FBXO42: variants seen among roughly 807,000 people sequenced by gnomAD.
The protein encoded by FBXO42 is F-box only protein 42.
Under a neutral mutation model 71.7 loss-of-function variants are expected in FBXO42, and 12 were observed. That is an observed-to-expected ratio of 0.17 (90% CI 0.11 to 0.27). The LOEUF (loss-of-function observed/expected upper bound fraction) is 0.27. Ranked by LOEUF, FBXO42 falls within the 10% of genes least tolerant of loss-of-function variation. The pLI is 1.00. For synonymous variants in FBXO42, 325 were observed against 327.5 expected (o/e 0.99, Z 0.08); for missense variants, 707 against 911.9 (o/e 0.78, Z 2.89).
intron 1 of FBXO42, among the ~76,000 whole-genome samples, chr1:16,323,080 A>G (rs2100591872): frequency 6.6e-6 from 1 of 152,386 alleles, no homozygotes; most frequent in African/African-American, 2.4e-5. Flanking sequence ...GAAGCTGAAC[A>G]TTTAAAATGC....
At chr1:16,285,394 C>A (rs2082010821) in intron 4 of FBXO42, among the ~76,000 whole-genome samples, 2 of 151,990 alleles carry the variant, frequency 1.3e-5, no homozygotes, top group Admixed American at 6.6e-5. Flanking sequence ...CTGCCTCAGC[C>A]TCCTGAGTAG....
At chr1:16,302,815 C>T (rs980286485) in intron 3 of FBXO42, among the ~76,000 whole-genome samples, 2 of 152,254 alleles carry the variant, frequency 1.3e-5, no homozygotes, top group East Asian at 1.9e-4. Flanking sequence ...CAGCCGAAAC[C>T]GCCACTTTTA....
intron 1 of FBXO42, among the ~76,000 whole-genome samples, chr1:16,342,733 G>A (rs1039474678): frequency 2.6e-5 from 4 of 152,082 alleles, no homozygotes; most frequent in African/African-American, 9.7e-5. Flanking sequence ...GTGGAAATTT[G>A]ATCCCCAATG....
chr1:16,327,882 G>A (rs1184241508), intron 1 of FBXO42, among the ~76,000 whole-genome samples: 1 of 152,116 alleles, frequency 6.6e-6, no homozygotes, highest in Non-Finnish European at 1.5e-5. Flanking sequence ...TCGTATTTTA[G>A]TAGAGACTGG....
intron 4 of FBXO42, among the ~76,000 whole-genome samples, chr1:16,258,052 A>C (rs1265465711): frequency 2.6e-5 from 4 of 151,604 alleles, no homozygotes; most frequent in Non-Finnish European, 5.9e-5. Flanking sequence ...TTTTCAAAGG[A>C]TATCTTAAGC....
intron 1 of FBXO42, among the ~76,000 whole-genome samples, chr1:16,349,435 G>C (rs1217757566): frequency 6.6e-6 from 1 of 152,146 alleles, no homozygotes; most frequent in Admixed American, 6.6e-5. Context: ...TTCATAAATA[G>C]GAATAATCAA....
chr1:16,340,298 C>G (rs1484938609), intron 1 of FBXO42, among the ~76,000 whole-genome samples: 1 of 151,844 alleles, frequency 6.6e-6, no homozygotes, highest in Non-Finnish European at 1.5e-5. Flanking sequence ...CACCACAGAT[C>G]CAAATCCAGA....
chr1:16,337,535 T>C (rs879812771), intron 1 of FBXO42, among the ~76,000 whole-genome samples: 1 of 152,162 alleles, frequency 6.6e-6, no homozygotes, highest in Non-Finnish European at 1.5e-5. Context: ...ATTTATTCTT[T>C]TTAAGAGATA....
At chr1:16,288,046 T>A (rs889572737) in intron 4 of FBXO42, among the ~76,000 whole-genome samples, 1 of 152,060 alleles carries the variant, frequency 6.6e-6, no homozygotes, top group Non-Finnish European at 1.5e-5. Context: ...CTTGGGAGGC[T>A]GAAGCAGGAG....
intron 4 of FBXO42, among the ~76,000 whole-genome samples, chr1:16,257,210 T>A (rs1177035364): frequency 1.3e-5 from 2 of 152,158 alleles, no homozygotes; most frequent in African/African-American, 2.4e-5. Context: ...GAAGTATACA[T>A]AGAGGCTGGA....
chr1:16,345,847 C>CAAAAA (rs34529034), intron 1 of FBXO42, among the ~76,000 whole-genome samples: 2 of 117,434 alleles, frequency 1.7e-5, no homozygotes, highest in Non-Finnish European at 1.7e-5. Context: ...GACTCCGTCT[C>CAAAAA]AAAAAAAAAA....
chr1:16,318,303 A>G (rs1022662643), intron 1 of FBXO42, among the ~76,000 whole-genome samples: 1 of 152,124 alleles, frequency 6.6e-6, no homozygotes, highest in Non-Finnish European at 1.5e-5. Flanking sequence ...CTGTAATCCC[A>G]GCTACTCGGG....
At chr1:16,283,800 CA>C (rs2081992211) in intron 4 of FBXO42, among the ~76,000 whole-genome samples, 1 of 151,998 alleles carries the variant, frequency 6.6e-6, no homozygotes, top group Non-Finnish European at 1.5e-5. Context: ...TGGCCTGTGG[CA>C]AGTTTTAAAA....
At chr1:16,290,618 G>A (rs138602566) in intron 4 of FBXO42, among the ~76,000 whole-genome samples, 2 of 152,046 alleles carry the variant, frequency 1.3e-5, no homozygotes, top group Non-Finnish European at 2.9e-5. Context: ...CTCCAACCCA[G>A]GAGGCAGAGG....
chr1:16,259,777 AAAAG>A lies in FBXO42; in HGVS notation c.503-3022_503-3019del, dbSNP rs1357949862. ...CAAGACTCTGTCTCAAAAAAAAAAA[AAAAG>A]AAAGAAAGAAAAAAAAGAAAGAAAG... On this transcript the variant is annotated intron_variant, in intron 4 of 9. Transcript: ENST00000375592. 1.5e-3 allele frequency among the ~76,000 whole-genome samples: 224 copies of A among 151,808 alleles called. 2 individuals are homozygous for A. Among genetic ancestry groups the A allele is most frequent in the African/African-American group, 4.7e-3 (196 of 41,364 alleles).
intron 1 of FBXO42, among the ~76,000 whole-genome samples, chr1:16,336,382 G>A (rs2082553901): frequency 1.3e-5 from 2 of 149,082 alleles, no homozygotes; most frequent in Admixed American, 6.7e-5. Context: ...TTTTTGAGAT[G>A]TAGTCTAGCT....
At chr1:16,268,878 G>A (rs994287403) in intron 4 of FBXO42, among the ~76,000 whole-genome samples, 11 of 150,656 alleles carry the variant, frequency 7.3e-5, no homozygotes, top group African/African-American at 1.9e-4. Context: ...CCAGCTACTC[G>A]GGAGGCTGAG....
chr1:16,338,802 G>GTTT (rs2082576476), intron 1 of FBXO42, among the ~76,000 whole-genome samples: 1 of 92,672 alleles, frequency 1.1e-5, no homozygotes. Context: ...ATTTCCATTT[G>GTTT]TCTTTTTTTT....
At chr1:16,299,962 A>C (rs1200226882) in intron 3 of FBXO42, among the ~76,000 whole-genome samples, 1 of 152,010 alleles carries the variant, frequency 6.6e-6, no homozygotes, top group Non-Finnish European at 1.5e-5. Flanking sequence ...TATTTTAAGC[A>C]CCCTAGCCTA....
Sources: gnomAD v4.1 joint callset for allele counts (sites outside exome capture counted in the v4.1 genomes callset) on GRCh38, gnomAD v4.1.1 for gene constraint, MANE v1.5 for transcripts, NCBI Gene and HGNC (gene_info 2026-07-23, HGNC 2026-07-21) for gene names.